Variants in SLIT3 observed in about 807,000 individuals in gnomAD.
SLIT3 encodes slit homolog 3 protein.
Under a neutral mutation model 184.0 loss-of-function variants are expected in SLIT3, and 68 were observed. The observed-to-expected ratio is 0.37, with a 90% CI of 0.30 to 0.45. The LOEUF is 0.45. Ranked by LOEUF, SLIT3 falls within the 20% of genes least tolerant of loss-of-function variation. The pLI, the probability that SLIT3 is intolerant of heterozygous loss-of-function variation, is 1.00. For missense variants in SLIT3, 1,707 were observed against 2,026.0 expected, an observed-to-expected ratio of 0.84 and a Z score of 3.02; for synonymous variants, 831 against 828.6, an observed-to-expected ratio of 1.00 and a Z score of -0.05.
intron 4 of SLIT3, among the ~76,000 whole-genome samples, chr5:168,913,747 AAAAAACAAACAAAC>A (rs1436491382): frequency 2.6e-5 from 4 of 151,572 alleles, no homozygotes; most frequent in Non-Finnish European, 5.9e-5. Flanking sequence ...GTCTCAAAAA[AAAAAACAAACAAAC>A]AAAAACAAAC....
chr5:169,009,695 T>G (rs992833797), intron 4 of SLIT3, among the ~76,000 whole-genome samples: 4 of 152,210 alleles, frequency 2.6e-5, no homozygotes, highest in Non-Finnish European at 5.9e-5. Context: ...TCATTGAGCA[T>G]TCACTGAGCA....
At position 169,098,900 on chromosome 5, in the gene SLIT3, C is replaced by T. The variant is rs73802479; in HGVS notation, c.413+94579G>A. On this transcript the variant is annotated intron_variant, in intron 4 of 35. Transcript: ENST00000519560. ...CATCTCCAGCACAGCCACATTCCAG[C>T]GGGTAGGAGGGTCACACACCTGGGC... Among the ~76,000 whole-genome samples, 1,434 of 152,186 alleles carry T rather than the reference C, an allele frequency of 9.4e-3. 23 individuals are homozygous for T. Among genetic ancestry groups the T allele is most frequent in the African/African-American group, 0.033 (1,352 of 41,500 alleles).
chr5:169,223,301 G>A (rs1764679939), intron 3 of SLIT3, among the ~76,000 whole-genome samples: 1 of 152,200 alleles, frequency 6.6e-6, no homozygotes, highest in South Asian at 2.1e-4. Flanking sequence ...TGACCTCTAG[G>A]TAAAGAACGA....
chr5:168,856,251 G>A (rs770648575), intron 5 of SLIT3, among the ~76,000 whole-genome samples: 5 of 152,214 alleles, frequency 3.3e-5, no homozygotes, highest in South Asian at 2.1e-4. Context: ...AAAAAGTGAA[G>A]CTTGCTCTTT....
At chr5:168,904,906 C>T (rs1314308779) in intron 4 of SLIT3, among the ~76,000 whole-genome samples, 1 of 152,160 alleles carries the variant, frequency 6.6e-6, no homozygotes, top group Admixed American at 6.5e-5. Flanking sequence ...GTGGCTCACG[C>T]CTGTAATCCT....
intron 4 of SLIT3, among the ~76,000 whole-genome samples, chr5:169,167,994 CT>C (rs1177632276): frequency 1.3e-5 from 2 of 152,218 alleles, no homozygotes; most frequent in Non-Finnish European, 2.9e-5. Context: ...TGAGAATTTC[CT>C]AGCCTGTCCA....
chr5:169,268,848 C>T (rs138862740), intron 1 of SLIT3, among the ~76,000 whole-genome samples: 5 of 152,260 alleles, frequency 3.3e-5, no homozygotes, highest in South Asian at 2.1e-4. Context: ...GGTTTTCCCA[C>T]GTATTGATTT....
chr5:168,952,929 G>C (rs1056063531), intron 4 of SLIT3, among the ~76,000 whole-genome samples: 3 of 152,212 alleles, frequency 2.0e-5, no homozygotes, highest in African/African-American at 7.2e-5. Context: ...TCAGCAGATG[G>C]AAAATGACCA....
chr5:169,268,463 G>A lies in SLIT3; in HGVS notation c.198-17004C>T, dbSNP rs369877578. Among the ~76,000 whole-genome samples the A allele has an allele frequency of 5.6e-4, 85 of 152,280 alleles. No homozygotes were observed. In the South Asian group the frequency reaches 0.012, roughly 22 times the overall value. ...GCAGAAGTGGCCCTCACTTGCAGGC[G>A]GAACTCTCCAATTTCCAGATCAAGG... is the stretch of plus-strand genomic sequence containing the variant. On this transcript the variant is annotated intron_variant, in intron 1 of 35. Transcript: ENST00000519560.
chr5:168,750,489 G>C (rs1388458545), intron 18 of SLIT3, among the ~76,000 whole-genome samples: 1 of 152,194 alleles, frequency 6.6e-6, no homozygotes, highest in Non-Finnish European at 1.5e-5. Flanking sequence ...CAGCAATGAA[G>C]GGCTTGAGAG....
chr5:168,937,074 T>C (rs1429743656), intron 4 of SLIT3, among the ~76,000 whole-genome samples: 4 of 151,914 alleles, frequency 2.6e-5, no homozygotes, highest in South Asian at 4.2e-4. Context: ...TGAGCTGGCA[T>C]TGGAAGAATT....
At chr5:169,004,908 C>G (rs748997847) in intron 4 of SLIT3, among the ~76,000 whole-genome samples, 36 of 152,136 alleles carry the variant, frequency 2.4e-4, no homozygotes, top group Non-Finnish European at 4.0e-4. Flanking sequence ...TCCTAGTCTC[C>G]AGAACTGTGA....
At chr5:169,233,049 T>C (rs1035235943) in intron 3 of SLIT3, among the ~76,000 whole-genome samples, 1 of 152,148 alleles carries the variant, frequency 6.6e-6, no homozygotes, top group Non-Finnish European at 1.5e-5. Context: ...TATTTTGAGA[T>C]AGAGTCTCGC....
intron 1 of SLIT3, among the ~76,000 whole-genome samples, chr5:169,269,821 T>G (rs1273483549): frequency 6.6e-6 from 1 of 152,228 alleles, no homozygotes; most frequent in African/African-American, 2.4e-5. Flanking sequence ...TGAAACCATA[T>G]CTTGCTTATT....
At chr5:169,010,447 A>C (rs1359843313) in intron 4 of SLIT3, among the ~76,000 whole-genome samples, 1 of 152,156 alleles carries the variant, frequency 6.6e-6, no homozygotes, top group Non-Finnish European at 1.5e-5. Context: ...AGTGAATTAC[A>C]GGATGCCCTG....
chr5:168,803,795 A>T (rs1239998117), intron 9 of SLIT3, among the ~76,000 whole-genome samples: 1 of 152,146 alleles, frequency 6.6e-6, no homozygotes, highest in Non-Finnish European at 1.5e-5. Flanking sequence ...GAAAGGAACG[A>T]TCCATAGGAA....
chr5:168,735,166 C>A (rs1368422215), intron 20 of SLIT3, among the ~76,000 whole-genome samples: 1 of 152,192 alleles, frequency 6.6e-6, no homozygotes, highest in Admixed American at 6.5e-5. Flanking sequence ...ATTTGGCCTG[C>A]ATTTAAATGC....
At chr5:168,785,591 GT>G (rs1756124439) in intron 12 of SLIT3, among the ~76,000 whole-genome samples, 1 of 152,170 alleles carries the variant, frequency 6.6e-6, no homozygotes, top group Non-Finnish European at 1.5e-5. Context: ...ACTGAAAAAT[GT>G]TTTTCTTTTT....
At chr5:169,254,282 C>T (rs914437021) in intron 1 of SLIT3, among the ~76,000 whole-genome samples, 1 of 152,132 alleles carries the variant, frequency 6.6e-6, no homozygotes, top group Non-Finnish European at 1.5e-5. Flanking sequence ...GTCCCAAGGC[C>T]AGCCCCCACT....
Sources: allele counts gnomAD v4.1 joint callset (sites outside exome capture counted in the v4.1 genomes callset), GRCh38; gene constraint gnomAD v4.1.1; transcripts MANE v1.5; gene names NCBI Gene and HGNC (gene_info 2026-07-23, HGNC 2026-07-21).